The following COL5A1 variants were observed in gnomAD, a reference collection of about 807,000 sequenced individuals.
The protein encoded by COL5A1 is collagen alpha-1(V) chain.
Under a neutral mutation model 263.7 loss-of-function variants are expected in COL5A1, and 16 were observed. The observed-to-expected ratio is 0.06, with a 90% confidence interval of 0.04 to 0.09. The LOEUF is 0.09. Ranked by LOEUF, COL5A1 falls within the 10% of genes least tolerant of loss-of-function variation. The probability of loss-of-function intolerance (pLI) is 1.00; values close to 1 mark genes in which losing one functional copy is unlikely to be tolerated. For missense variants in COL5A1, 2,036 were observed against 2,540.5 expected, an observed-to-expected ratio of 0.80 and a Z score of 4.27; for synonymous variants, 1,012 against 1,004.5, an observed-to-expected ratio of 1.01 and a Z score of -0.14.
intron 32 of COL5A1, among the ~76,000 whole-genome samples, chr9:134,790,116 A>G (rs1025785009): frequency 1.3e-5 from 2 of 152,204 alleles, no homozygotes; most frequent in Non-Finnish European, 2.9e-5. Flanking sequence ...CAGGGCAGAC[A>G]GAGCTACAGG....
At chr9:134,691,198 CT>C in intron 2 of COL5A1, 119 bp downstream of exon 2, 1 of 1,302,196 alleles carries the variant, frequency 7.7e-7, no homozygotes, top group Non-Finnish European at 1.1e-6. Flanking sequence ...CAGGAAGCCC[CT>C]CTCACGAGCC....
chr9:134,760,272 CAT>C (rs1437452949), intron 18 of COL5A1, among the ~76,000 whole-genome samples: 1 of 125,496 alleles, frequency 8.0e-6, no homozygotes. Flanking sequence ...CTGATACACA[CAT>C]GCACACACGC....
intron 24 of COL5A1, among the ~76,000 whole-genome samples, chr9:134,768,083 G>A (rs1447865698): frequency 6.6e-6 from 1 of 152,206 alleles, no homozygotes; most frequent in African/African-American, 2.4e-5. Flanking sequence ...ACTTGAAGAA[G>A]GCACAGCACT....
rs770568153 is a variant in COL5A1 at position 134,805,164 on chromosome 9, G to A, written c.3208G>A (p.Ala1070Thr). The change falls in exon 41 of 66, where the codon GCT (alanine) becomes ACT (threonine). Residue 1070 changes from alanine to threonine, a missense_variant. By Grantham distance (58) the Ala-to-Thr change is moderately conservative. Coordinates refer to ENST00000371817, the MANE Select transcript of COL5A1 (RefSeq NM_000093.5). The part of the protein sequence containing the change: ...GDRGLPGPVG[A>T]LGLKGNEGPP... ...CAACCTTTTCATGGCTTTGCAGGGA[G>A]CTCTTGGACTGAAAGGCAATGAAGG... 2 of 1,613,936 alleles carry A rather than the reference G, an allele frequency of 1.2e-6. No homozygotes were observed. The highest frequency in any genetic ancestry group is 1.7e-5 in the Admixed American group (1 of 60,008).
chr9:134,830,357 T>C (rs2132909256), intron 64 of COL5A1: 2 of 641,914 alleles, frequency 3.1e-6, no homozygotes, highest in Non-Finnish European at 5.4e-6. Context: ...CCCGCCACCC[T>C]GACAAGAGTG....
At position 134,680,114 on chromosome 9, in the gene COL5A1, C is replaced by A. The variant is rs74992333; in HGVS notation, c.110-10798C>A. Among the ~76,000 whole-genome samples the A allele has an allele frequency of 7.9e-3, 1,205 of 152,230 alleles. 10 individuals carry two copies. Among genetic ancestry groups the A allele is most frequent in the African/African-American group, 0.011 (454 of 41,524 alleles). On this transcript the variant is annotated intron_variant, in intron 1 of 65. Coordinates refer to ENST00000371817, the MANE Select transcript of COL5A1 (RefSeq NM_000093.5). The surrounding 1 kb of genome is among the most constrained non-coding windows in gnomAD (Gnocchi z 5.9). Reference sequence around the variant, plus strand: ...ACACTGTCATCTTCAGGAAGGACTACCCCGGAGGCCCTTTGGACGGGCCCT... The same window carrying A: ...ACACTGTCATCTTCAGGAAGGACTAACCCGGAGGCCCTTTGGACGGGCCCT...
Position 134,835,200 on chromosome 9 carries a change from G to A in COL5A1, c.5366G>A (p.Cys1789Tyr). 2.5e-6 allele frequency: 4 copies of A among 1,613,190 alleles called. No individual in the cohort carries two copies. The highest frequency in any genetic ancestry group is 2.2e-5 in the East Asian group (1 of 44,878). ...NPYIRALVDG[C>Y]ATKKGYQKTV... The stretch of plus-strand genomic sequence containing the variant: ...TACATCCGCGCCCTGGTGGACGGCT[G>A]TGCTGTGAGTATCCCGCGCCGCGCC... The change falls in exon 65 of 66, where the codon TGT (cysteine) becomes TAT (tyrosine). Residue 1789 changes from cysteine to tyrosine, a missense_variant. This residue lies in a region of COL5A1 where 358 missense variants were observed against 384.6 expected (regional missense o/e 0.93). Coordinates refer to ENST00000371817, the MANE Select transcript of COL5A1 (RefSeq NM_000093.5).
intron 65 of COL5A1, among the ~76,000 whole-genome samples, chr9:134,839,441 G>A (rs1375149380): frequency 6.6e-6 from 1 of 152,222 alleles, no homozygotes; most frequent in Non-Finnish European, 1.5e-5. Context: ...AATGCTGCCC[G>A]TCCCTCTGGG....
At chr9:134,750,516 T>C in intron 11 of COL5A1, 26 bp from the exon 12 acceptor site, 1 of 1,610,818 alleles carries the variant, frequency 6.2e-7, no homozygotes, top group Non-Finnish European at 8.5e-7. Context: ...CACTCTGACT[T>C]GTCTCTCTTG....
intron 4 of COL5A1, among the ~76,000 whole-genome samples, chr9:134,719,421 C>T (rs527309886): frequency 9.8e-5 from 15 of 152,352 alleles, no homozygotes; most frequent in South Asian, 4.1e-4. Flanking sequence ...GACACATGCA[C>T]GCACACGTAT....
In COL5A1 at chr9:134,842,968, G is replaced by C. The variant is rs1830147767; in HGVS notation, c.*665G>C. 6.5e-6 allele frequency: 1 copy of C among 154,370 alleles called. No individual in the cohort carries two copies. The highest frequency in any genetic ancestry group is 1.4e-5 in the Non-Finnish European group (1 of 69,382). 9.6% of individuals were successfully genotyped at this position (154,370 alleles called of 1,614,324 possible). A position where few individuals can be genotyped will look rare whatever the true frequency, so the allele number is the denominator to read the frequency against. Reference sequence around the variant, plus strand: ...AAACCCAGTCTCAGTCCCACGGACAGAATGGGCGAGGCATGGATTCTGGGT... The same window carrying C: ...AAACCCAGTCTCAGTCCCACGGACACAATGGGCGAGGCATGGATTCTGGGT... On this transcript the variant is annotated 3_prime_UTR_variant, in exon 66 of 66. Transcript: ENST00000371817. This position sits in a 1 kb window ranked among gnomAD's most constrained non-coding sequence, Gnocchi z 5.8.
At chr9:134,648,881 C>T (rs1398231959) in intron 1 of COL5A1, among the ~76,000 whole-genome samples, 15 of 152,312 alleles carry the variant, frequency 9.8e-5, no homozygotes, top group Middle Eastern at 3.4e-3. Context: ...TGGGCAGTCG[C>T]GGGCCAGGCC....
At chr9:134,715,439 C>A (rs1834226726) in intron 4 of COL5A1, among the ~76,000 whole-genome samples, 1 of 152,142 alleles carries the variant, frequency 6.6e-6, no homozygotes, top group South Asian at 2.1e-4. Context: ...AGAGGCCTTC[C>A]TCTTTTACTA....
chr9:134,738,611 G>A, intron 10 of COL5A1, 96 bp downstream of exon 10: 1 of 1,563,240 alleles, frequency 6.4e-7, no homozygotes, highest in Non-Finnish European at 8.8e-7. Context: ...AAAAGAGGGG[G>A]GCTCTCCGCT....
In COL5A1 at chr9:134,810,320, C is replaced by A. The variant is rs927953209; in HGVS notation, c.3528+12C>A. 6.2e-7 allele frequency: 1 copy of A among 1,613,284 alleles called. No individual in the cohort carries two copies. Among genetic ancestry groups the A allele is most frequent in the African/African-American group, 1.3e-5 (1 of 74,916 alleles). On this transcript the variant is annotated intron_variant, in intron 44 of 65. Transcript: ENST00000371817. The stretch of plus-strand genomic sequence containing the variant: ...ACAAAGGAGAACAGGTAAGTATTGG[C>A]ACGGGGGCGCGCGGCAGCCCCCAGG...
At chr9:134,753,759 T>TCCCCCAGCCCCACCCCCGCCC in intron 14 of COL5A1, 91 bp from the exon 15 acceptor site, 1 of 540,648 alleles carries the variant, frequency 1.8e-6, no homozygotes, top group Non-Finnish European at 3.7e-6. Context: ...CCCTGTCCCC[T>TCCCCCAGCCCCACCCCCGCCC]CCCCCTGCCC....
intron 1 of COL5A1, among the ~76,000 whole-genome samples, chr9:134,688,899 G>A (rs1005613887): frequency 1.3e-5 from 2 of 152,106 alleles, no homozygotes; most frequent in Non-Finnish European, 2.9e-5. Context: ...GAGAAATGCG[G>A]CTTCGATTTC....
chr9:134,671,536 C>T (rs1204768984), intron 1 of COL5A1, among the ~76,000 whole-genome samples: 1 of 152,204 alleles, frequency 6.6e-6, no homozygotes, highest in Non-Finnish European at 1.5e-5. Context: ...CCTTTACTTG[C>T]ATCAAAGAAC....
chr9:134,706,549 T>A (rs903541485), intron 4 of COL5A1, among the ~76,000 whole-genome samples: 1 of 152,262 alleles, frequency 6.6e-6, no homozygotes, highest in East Asian at 1.9e-4. Flanking sequence ...AAGAGAGTCT[T>A]GCTGCCACTT....
Sources: allele counts gnomAD v4.1 joint callset (sites outside exome capture counted in the v4.1 genomes callset), GRCh38; gene constraint gnomAD v4.1.1; regional missense constraint gnomAD v4.1.1; non-coding constraint Gnocchi (gnomAD v3.1); transcripts MANE v1.5; gene names NCBI Gene and HGNC (gene_info 2026-07-23, HGNC 2026-07-21).